Variants in EXT2 observed in about 807,000 individuals in gnomAD.
EXT2 encodes the protein exostosin glycosyltransferase 2.
In EXT2, 53 loss-of-function variants were observed where a neutral mutation model predicts 81.6. The ratio of observed to expected loss-of-function variants is 0.65; its 90% CI spans 0.52 to 0.82. The LOEUF is 0.82. Among genes scored for constraint, EXT2 ranks in the 40% least tolerant of loss-of-function variants. The pLI, the probability that EXT2 is intolerant of heterozygous loss-of-function variation, is 0.00. For synonymous variants in EXT2, 320 were observed against 340.0 expected (o/e 0.94, Z 0.65); for missense variants, 774 against 910.2 (o/e 0.85, Z 1.93).
chr11:44,180,844 G>C (rs1413206396), intron 8 of EXT2, among the ~76,000 whole-genome samples: 1 of 152,200 alleles, frequency 6.6e-6, no homozygotes, highest in Non-Finnish European at 1.5e-5. Context: ...GCTCACACCT[G>C]TAATCCCAGC....
chr11:44,109,143 T>A (rs774161825), intron 2 of EXT2, 51 bp from the exon 3 acceptor site: 1 of 1,592,226 alleles, frequency 6.3e-7, no homozygotes, highest in South Asian at 1.1e-5. Context: ...CTGACTCTTG[T>A]CTTTTCATAG....
At chr11:44,150,243 G>C (rs1268054807) in intron 7 of EXT2, among the ~76,000 whole-genome samples, 1 of 152,154 alleles carries the variant, frequency 6.6e-6, no homozygotes, top group Non-Finnish European at 1.5e-5. Context: ...GAGAGAGAGA[G>C]AAATAAGGTC....
At chr11:44,163,009 T>C (rs1326586568) in intron 7 of EXT2, among the ~76,000 whole-genome samples, 1 of 152,216 alleles carries the variant, frequency 6.6e-6, no homozygotes, top group Non-Finnish European at 1.5e-5. Flanking sequence ...CAAAATCCCT[T>C]TTTATGTTAA....
intron 4 of EXT2, among the ~76,000 whole-genome samples, chr11:44,115,054 G>A (rs1012219861): frequency 6.6e-6 from 1 of 152,136 alleles, no homozygotes; most frequent in African/African-American, 2.4e-5. Context: ...CTTGGCCTCT[G>A]CCCTGGCTCC....
At position 44,126,932 on chromosome 11, in the gene EXT2, C is replaced by T. The variant is rs150255775; in HGVS notation, c.1056C>T (p.Phe352=). 2 of 1,614,064 alleles carry T rather than the reference C, an allele frequency of 1.2e-6. No individual in the cohort carries two copies. Among genetic ancestry groups the T allele is most frequent in the African/African-American group, 1.3e-5 (1 of 74,916 alleles). ...VVIADSYILP[F]SEVLDWKRAS... ...TTGCAGACTCCTATATTTTGCCTTT[C>T]TCTGAAGTTCTTGACTGGAAGAGGT... is the stretch of plus-strand genomic sequence containing the variant. Residue 352 remains phenylalanine, a synonymous_variant, in exon 6 of 14, where the codon TTC becomes TTT. Coordinates refer to ENST00000533608, the MANE Select transcript of EXT2 (RefSeq NM_207122.2).
chr11:44,236,181 G>A (rs533451544), intron 12 of EXT2, 112 bp from the exon 13 acceptor site: 10 of 887,478 alleles, frequency 1.1e-5, no homozygotes, highest in African/African-American at 6.5e-5. Flanking sequence ...GTGTGTGCAC[G>A]CGCATGCAAC....
Position 44,178,420 on chromosome 11 carries a change from G to A in EXT2, c.1305+6678G>A, listed in dbSNP as rs1955188458. 2.0e-5 allele frequency among the ~76,000 whole-genome samples: 3 copies of A among 152,088 alleles called. No homozygotes were observed. The South Asian group carries it at 6.2e-4, about 32-fold the overall frequency. On this transcript the variant is annotated intron_variant, in intron 8 of 13. Transcript: ENST00000533608. ...TCCATTTCCTCCTCTTAACCCTGCG[G>A]GGCTTGGATTAGAGGCATCCAGAGG...
chr11:44,215,090 T>C (rs1955702035), intron 10 of EXT2, among the ~76,000 whole-genome samples: 1 of 152,184 alleles, frequency 6.6e-6, no homozygotes, highest in African/African-American at 2.4e-5. Context: ...GATTTTTCTG[T>C]TGTGCTTTTT....
chr11:44,159,567 A>T (rs1040002544), intron 7 of EXT2, among the ~76,000 whole-genome samples: 1 of 152,126 alleles, frequency 6.6e-6, no homozygotes, highest in Non-Finnish European at 1.5e-5. Flanking sequence ...TTTCCATTAG[A>T]ACCTTTAGCA....
intron 1 of EXT2, among the ~76,000 whole-genome samples, chr11:44,101,124 G>A (rs1380933028): frequency 6.6e-6 from 1 of 152,200 alleles, no homozygotes; most frequent in Non-Finnish European, 1.5e-5. Flanking sequence ...GGGGTGGGGA[G>A]AATCTTAAGG....
chr11:44,194,202 T>G (rs768591729), intron 8 of EXT2, among the ~76,000 whole-genome samples: 8 of 152,294 alleles, frequency 5.3e-5, no homozygotes, highest in Non-Finnish European at 8.8e-5. Flanking sequence ...TCTGTTGGAG[T>G]TTTAATAGTT....
At chr11:44,152,953 G>A (rs1954812283) in intron 7 of EXT2, among the ~76,000 whole-genome samples, 1 of 152,102 alleles carries the variant, frequency 6.6e-6, no homozygotes, top group Admixed American at 6.5e-5. Context: ...TTGGAGTTTG[G>A]TAGTCTCAGT....
At chr11:44,167,812 CT>C (rs944742849) in intron 7 of EXT2, among the ~76,000 whole-genome samples, 51 of 152,080 alleles carry the variant, frequency 3.4e-4, no homozygotes, top group Admixed American at 7.2e-4. Flanking sequence ...AGGAGACTTT[CT>C]TTTTTTTATT....
rs1043210344 is a variant in EXT2 at position 44,244,460 on chromosome 11, C to A, written c.*173C>A. ...AAGAACAAGAACCTAGAATGAATAT[C>A]CAAGCACCTCGAGCTATGCAACCTC... On this transcript the variant is annotated 3_prime_UTR_variant, in exon 14 of 14. Coordinates refer to ENST00000533608, the MANE Select transcript of EXT2 (RefSeq NM_207122.2). 1.5e-6 allele frequency: 1 copy of A among 648,838 alleles called. No homozygotes were observed. The allele number at this position is 648,838 out of a possible 1,614,324, so 40.2% of individuals were successfully genotyped here. A position where few individuals can be genotyped will look rare whatever the true frequency, so the allele number is the denominator to read the frequency against.
At chr11:44,218,448 T>C (rs891335084) in intron 10 of EXT2, among the ~76,000 whole-genome samples, 4 of 152,180 alleles carry the variant, frequency 2.6e-5, no homozygotes, top group Non-Finnish European at 5.9e-5. Flanking sequence ...AGAGGTCAAC[T>C]GAAAAGTTTA....
rs377529772 is a variant in EXT2 at position 44,236,342 on chromosome 11, G to T, written c.1985G>T (p.Gly662Val). Residue 662 changes from glycine to valine, a missense_variant, in exon 13 of 14, where the codon GGG (glycine) becomes GTG (valine). Gly to Val is a moderately radical substitution (Grantham distance 109). This residue lies in a region of EXT2 where 148 missense variants were observed against 239.7 expected (regional missense o/e 0.62). Coordinates refer to ENST00000533608, the MANE Select transcript of EXT2 (RefSeq NM_207122.2). Reference protein sequence around the residue: ...FKCPECTAIDGLSLDQTHMVE... With the variant: ...FKCPECTAIDVLSLDQTHMVE... Reference sequence around the variant, plus strand: ...TGTCCTGAGTGCACAGCCATAGATGGGCTTTCACTAGACCAAACACACATG... The same window carrying T: ...TGTCCTGAGTGCACAGCCATAGATGTGCTTTCACTAGACCAAACACACATG... 4 of 1,613,902 alleles carry T rather than the reference G, an allele frequency of 2.5e-6. No homozygotes were observed. In the African/African-American group the frequency reaches 5.3e-5, roughly 22 times the overall value.
intron 13 of EXT2, among the ~76,000 whole-genome samples, chr11:44,242,745 C>T (rs1371341787): frequency 6.6e-6 from 1 of 152,160 alleles, no homozygotes; most frequent in Non-Finnish European, 1.5e-5. Context: ...TTTCCAGTCC[C>T]CTTCATTGGA....
At chr11:44,157,368 C>G (rs1954868867) in intron 7 of EXT2, among the ~76,000 whole-genome samples, 1 of 152,184 alleles carries the variant, frequency 6.6e-6, no homozygotes, top group Non-Finnish European at 1.5e-5. Context: ...ATCTGGGAGC[C>G]AGGGCTTGGA....
chr11:44,178,872 A>G (rs1003616969), intron 8 of EXT2, among the ~76,000 whole-genome samples: 5 of 152,184 alleles, frequency 3.3e-5, no homozygotes, highest in Admixed American at 6.5e-5. Flanking sequence ...TTTGAAGTCT[A>G]TTGTTTTTAT....
Sources: allele counts gnomAD v4.1 joint callset (sites outside exome capture counted in the v4.1 genomes callset), GRCh38; gene constraint gnomAD v4.1.1; regional missense constraint gnomAD v4.1.1; transcripts MANE v1.5; gene names NCBI Gene and HGNC (gene_info 2026-07-23, HGNC 2026-07-21).